The following CNTNAP2 variants were observed in gnomAD, a reference collection of about 807,000 sequenced individuals.
CNTNAP2 encodes contactin associated protein 2, also known as contactin-associated protein-like 2.
A neutral mutation model predicts 155.2 loss-of-function variants in CNTNAP2; 98 were observed. That is an observed-to-expected ratio of 0.63 (90% CI 0.54 to 0.75). The LOEUF is 0.75. Ranked by LOEUF, CNTNAP2 falls within the 30% of genes least tolerant of loss-of-function variation. The pLI, the probability that CNTNAP2 is intolerant of heterozygous loss-of-function variation, is 0.00. For missense variants in CNTNAP2, 1,727 were observed against 1,688.1 expected (o/e 1.02, Z -0.40); for synonymous variants, 651 against 631.2 (o/e 1.03, Z -0.47).
Position 146,839,859 on chromosome 7 carries a change from C to T in CNTNAP2, c.357C>T (p.Asp119=). The T allele has an allele frequency of 6.2e-7, 1 of 1,614,012 alleles. No homozygotes were observed. The highest frequency in any genetic ancestry group is 8.5e-7 in the Non-Finnish European group (1 of 1,180,014). ...CCCAATACCGGATGCTCTACAGCGA[C>T]ACAGGGAGAAACTGGAAACCCTATC... ...WVTQYRMLYS[D]TGRNWKPYHQ... Residue 119 remains aspartate, a synonymous_variant, in exon 3 of 24, where the codon GAC becomes GAT. Transcript: ENST00000361727.
intron 10 of CNTNAP2, among the ~76,000 whole-genome samples, chr7:147,424,882 C>T (rs1250181292): frequency 6.6e-6 from 1 of 152,094 alleles, no homozygotes; most frequent in Non-Finnish European, 1.5e-5. Flanking sequence ...CACATCCAGT[C>T]CAACCTATCA....
At chr7:147,218,226 G>A (rs964835710) in intron 8 of CNTNAP2, among the ~76,000 whole-genome samples, 3 of 151,722 alleles carry the variant, frequency 2.0e-5, no homozygotes, top group Non-Finnish European at 4.4e-5. Context: ...TAATTTAGAA[G>A]CTTAGATAAA....
chr7:148,413,400 AAATAT>A lies in CNTNAP2; in HGVS notation c.3797-2015_3797-2011del, dbSNP rs1433828688. On this transcript the variant is annotated intron_variant, in intron 23 of 23. Transcript: ENST00000361727. ...AGAGTGAAACTCCGTCTCAAAAAAA[AAATAT>A]ATATATATATATATATATATATATA... Among the ~76,000 whole-genome samples, 15 of 66,206 alleles carry A rather than the reference AAATAT, an allele frequency of 2.3e-4. 3 individuals are homozygous for A. Among genetic ancestry groups the A allele is most frequent in the African/African-American group, 1.3e-3 (15 of 11,564 alleles). 43.4% of individuals were successfully genotyped at this position (66,206 alleles called of 152,430 possible). A position where few individuals can be genotyped will look rare whatever the true frequency, so the allele number is the denominator to read the frequency against.
At chr7:147,912,464 A>C (rs1230307282) in intron 14 of CNTNAP2, among the ~76,000 whole-genome samples, 4 of 152,088 alleles carry the variant, frequency 2.6e-5, no homozygotes, top group African/African-American at 9.7e-5. Flanking sequence ...ACAGTCACTG[A>C]TGCCCTTATG....
intron 15 of CNTNAP2, among the ~76,000 whole-genome samples, chr7:147,991,583 TA>T (rs142599913): frequency 0.036 from 5,529 of 151,682 alleles, 318 homozygotes; most frequent in African/African-American, 0.12. Context: ...AATTAAGGAT[TA>T]AAAAAAAACT....
At chr7:146,137,544 G>A (rs1797815577) in intron 1 of CNTNAP2, among the ~76,000 whole-genome samples, 2 of 151,930 alleles carry the variant, frequency 1.3e-5, no homozygotes, top group South Asian at 4.1e-4. Flanking sequence ...CTAGCAAACT[G>A]TGAATTTATG....
At chr7:146,543,138 A>G (rs986212526) in intron 1 of CNTNAP2, among the ~76,000 whole-genome samples, 2 of 152,006 alleles carry the variant, frequency 1.3e-5, no homozygotes, top group South Asian at 2.1e-4. Flanking sequence ...TGCACTATAC[A>G]TATACATATA....
intron 12 of CNTNAP2, among the ~76,000 whole-genome samples, chr7:147,596,845 C>G (rs1800834748): frequency 6.6e-6 from 1 of 152,162 alleles, no homozygotes; most frequent in Admixed American, 6.5e-5. Context: ...AGTAAAGAAG[C>G]TGGCCAAGAC....
At position 148,104,571 on chromosome 7, in the gene CNTNAP2, A is replaced by T. The variant is rs193208245; in HGVS notation, c.2384-13547A>T. On this transcript the variant is annotated intron_variant, in intron 15 of 23. Transcript: ENST00000361727. ...AGCTCAGCTATGACCATCCTTCATT[A>T]CAACAGGGCAGATGATAAAATGGAA... is the stretch of plus-strand genomic sequence containing the variant. Among the ~76,000 whole-genome samples, 32 of 152,332 alleles carry T rather than the reference A, an allele frequency of 2.1e-4. No homozygotes were observed. In the East Asian group the frequency reaches 6.0e-3, roughly 28 times the overall value.
rs181757976 is a variant in CNTNAP2, at chr7:146,684,849, G to T, written c.98-89422G>T. On this transcript the variant is annotated intron_variant, in intron 1 of 23. Coordinates refer to ENST00000361727, the MANE Select transcript of CNTNAP2 (RefSeq NM_014141.6). ...TGCTATTCATACTGTTTTCATGAAT[G>T]GTGCTCCGTGACCTTGATAACATAT... Among the ~76,000 whole-genome samples, 339 of 152,150 alleles carry T rather than the reference G, an allele frequency of 2.2e-3. 3 individuals are homozygous for T. Among genetic ancestry groups the T allele is most frequent in the African/African-American group, 8.0e-3 (334 of 41,504 alleles).
intron 21 of CNTNAP2, among the ~76,000 whole-genome samples, chr7:148,317,703 A>G (rs1309771832): frequency 1.3e-5 from 2 of 150,956 alleles, no homozygotes; most frequent in African/African-American, 4.9e-5. Context: ...CCCTGAGCTC[A>G]TTTCTTTTTT....
intron 20 of CNTNAP2, among the ~76,000 whole-genome samples, chr7:148,264,354 G>GTT: frequency 6.6e-6 from 1 of 152,052 alleles, no homozygotes; most frequent in South Asian, 2.1e-4. Flanking sequence ...TCAGCTGGCA[G>GTT]TTTTTTTCTG....
chr7:146,999,770 T>C (rs1798387186), intron 3 of CNTNAP2, among the ~76,000 whole-genome samples: 1 of 152,104 alleles, frequency 6.6e-6, no homozygotes, highest in East Asian at 1.9e-4. Context: ...GCTCTCGTCA[T>C]TTGTGGTTTG....
intron 1 of CNTNAP2, among the ~76,000 whole-genome samples, chr7:146,755,769 G>T (rs953600493): frequency 1.3e-5 from 2 of 151,882 alleles, no homozygotes; most frequent in Non-Finnish European, 2.9e-5. Flanking sequence ...CTGATTTATT[G>T]ACACATTCAA....
intron 8 of CNTNAP2, among the ~76,000 whole-genome samples, chr7:147,269,630 G>C (rs1175423754): frequency 6.6e-6 from 1 of 152,206 alleles, no homozygotes; most frequent in Non-Finnish European, 1.5e-5. Flanking sequence ...TGCTGGAGGA[G>C]ACAGAAGGGC....
At chr7:148,171,087 T>G (rs1005281896) in intron 17 of CNTNAP2, among the ~76,000 whole-genome samples, 2 of 152,118 alleles carry the variant, frequency 1.3e-5, no homozygotes, top group African/African-American at 4.8e-5. Flanking sequence ...GAACTATGAG[T>G]CCTTGAGTAA....
At chr7:146,903,495 T>C (rs1384873143) in intron 3 of CNTNAP2, among the ~76,000 whole-genome samples, 2 of 152,214 alleles carry the variant, frequency 1.3e-5, no homozygotes, top group African/African-American at 4.8e-5. Context: ...AACCTGATCC[T>C]TCTCAGTCTT....
chr7:147,263,087 C>T (rs974910279), intron 8 of CNTNAP2, among the ~76,000 whole-genome samples: 5 of 152,160 alleles, frequency 3.3e-5, no homozygotes, highest in Non-Finnish European at 7.3e-5. Context: ...TGGTGCTTGC[C>T]TCCAATCCCA....
At chr7:146,549,077 T>C (rs1798076280) in intron 1 of CNTNAP2, among the ~76,000 whole-genome samples, 1 of 151,486 alleles carries the variant, frequency 6.6e-6, no homozygotes, top group African/African-American at 2.4e-5. Context: ...TTTTTGCATG[T>C]GGATGTTCAG....
Sources: gnomAD v4.1 joint callset for allele counts (sites outside exome capture counted in the v4.1 genomes callset) on GRCh38, gnomAD v4.1.1 for gene constraint, MANE v1.5 for transcripts, NCBI Gene and HGNC (gene_info 2026-07-23, HGNC 2026-07-21) for gene names.